Variants in TYW1B observed in about 807,000 individuals in gnomAD.
TYW1B encodes S-adenosyl-L-methionine-dependent tRNA 4-demethylwyosine synthase TYW1B.
A neutral mutation model predicts 86.9 loss-of-function variants in TYW1B; 73 were observed. The observed-to-expected ratio is 0.84, with a 90% CI of 0.70 to 1.02. TYW1B has a LOEUF of 1.02. Ranked by LOEUF, TYW1B falls within the 50% of genes least tolerant of loss-of-function variation. The probability of loss-of-function intolerance (pLI) is 0.00; values close to 1 mark genes in which losing one functional copy is unlikely to be tolerated. For synonymous variants in TYW1B, 248 were observed against 292.8 expected, an observed-to-expected ratio of 0.85 and a Z score of 1.56; for missense variants, 637 against 827.4, an observed-to-expected ratio of 0.77 and a Z score of 2.82.
chr7:72,732,174 T>G (rs1199894510), intron 8 of TYW1B, among the ~76,000 whole-genome samples: 1 of 152,162 alleles, frequency 6.6e-6, no homozygotes, highest in Non-Finnish European at 1.5e-5. Context: ...TAGACTCTAC[T>G]ACCATAATAG....
At chr7:72,580,796 A>C (rs1811134629) in intron 13 of TYW1B, among the ~76,000 whole-genome samples, 1 of 151,784 alleles carries the variant, frequency 6.6e-6, no homozygotes, top group Non-Finnish European at 1.5e-5. Flanking sequence ...GACAGTAAGA[A>C]CATTTAAAAA....
At chr7:72,704,011 T>TGA (rs1814554266) in intron 10 of TYW1B, among the ~76,000 whole-genome samples, 2 of 152,166 alleles carry the variant, frequency 1.3e-5, no homozygotes, top group African/African-American at 4.8e-5. Flanking sequence ...GAGAAATCAA[T>TGA]TAAAAATCTA....
intron 6 of TYW1B, among the ~76,000 whole-genome samples, chr7:72,781,312 G>A (rs534328197): frequency 2.6e-5 from 4 of 152,174 alleles, no homozygotes; most frequent in South Asian, 4.2e-4. Flanking sequence ...CTCAGGGCAT[G>A]AGCCAATCAG....
At chr7:72,779,509 G>A (rs1788013488) in intron 6 of TYW1B, among the ~76,000 whole-genome samples, 3 of 152,216 alleles carry the variant, frequency 2.0e-5, no homozygotes, top group Admixed American at 2.0e-4. Context: ...CTGAGGTCAG[G>A]AGTTTGAGAC....
intron 2 of TYW1B, among the ~76,000 whole-genome samples, chr7:72,826,079 T>A (rs1788924332): frequency 6.6e-6 from 1 of 152,172 alleles, no homozygotes; most frequent in South Asian, 2.1e-4. Flanking sequence ...AGGAAAAGCA[T>A]CATATAAACT....
At chr7:72,584,521 T>C (rs1211614482) in intron 13 of TYW1B, among the ~76,000 whole-genome samples, 1 of 151,642 alleles carries the variant, frequency 6.6e-6, no homozygotes, top group Non-Finnish European at 1.5e-5. Context: ...AGTGGCACAA[T>C]CTTGGCTCAC....
chr7:72,662,426 TATAGATAG>T lies in TYW1B; in HGVS notation c.1506+32253_1506+32260del, dbSNP rs10682366. Reference sequence around the variant, plus strand: ...TCCCTTCAGGTTTTTAATATATATATATAGATAGATAGATAGATAGATAGATAGATAGA... The same window carrying T: ...TCCCTTCAGGTTTTTAATATATATATATAGATAGATAGATAGATAGATAGA... On this transcript the variant is annotated intron_variant, in intron 11 of 13. Transcript: ENST00000620995. Among the ~76,000 whole-genome samples the T allele has an allele frequency of 4.5e-3, 529 of 118,718 alleles. 2 individuals are homozygous for T. Among genetic ancestry groups the T allele is most frequent in the South Asian group, 0.015 (56 of 3,738 alleles). The allele number at this position is 118,718 out of a possible 152,430, so 77.9% of individuals were successfully genotyped here.
rs554456909 is a variant in TYW1B, at chr7:72,670,509, T to C, written c.1506+24178A>G. 3.9e-5 allele frequency among the ~76,000 whole-genome samples: 6 copies of C among 152,302 alleles called. No individual in the cohort carries two copies. The East Asian group carries it at 1.2e-3, about 29-fold the overall frequency. The stretch of plus-strand genomic sequence containing the variant: ...TCTGGCCTCATGTGTTATCATTTAA[T>C]TCCAATTAGGAAGTACTCTTAACCC... On this transcript the variant is annotated intron_variant, in intron 11 of 13. Coordinates refer to ENST00000620995, the MANE Select transcript of TYW1B (RefSeq NM_001145440.3).
At chr7:72,792,278 G>T (rs57412352) in intron 6 of TYW1B, among the ~76,000 whole-genome samples, 1 of 150,416 alleles carries the variant, frequency 6.6e-6, no homozygotes, top group Non-Finnish European at 1.5e-5. Flanking sequence ...AGTGGGCCGA[G>T]ATCACACTAC....
chr7:72,675,594 TAC>T (rs1290216567), intron 11 of TYW1B, among the ~76,000 whole-genome samples: 18 of 149,742 alleles, frequency 1.2e-4, no homozygotes, highest in East Asian at 7.8e-4. Flanking sequence ...TATATATATA[TAC>T]ACACACACAC....
chr7:72,722,249 T>G (rs183892261), intron 9 of TYW1B, among the ~76,000 whole-genome samples: 13,883 of 152,160 alleles, frequency 0.091, 794 homozygotes, highest in African/African-American at 0.15. Flanking sequence ...GATCTTTTAT[T>G]TCTTGCAGTA....
chr7:72,774,323 A>G (rs1352753953), intron 7 of TYW1B, among the ~76,000 whole-genome samples: 3 of 95,888 alleles, frequency 3.1e-5, no homozygotes, highest in Non-Finnish European at 4.2e-5. Flanking sequence ...CTAAGAAGCC[A>G]TAAAAGTGAG....
chr7:72,685,057 C>T (rs1469475484), intron 11 of TYW1B, among the ~76,000 whole-genome samples: 7 of 149,868 alleles, frequency 4.7e-5, no homozygotes, highest in Non-Finnish European at 8.9e-5. Flanking sequence ...GGTTGCAGTG[C>T]GCCAAGATCA....
chr7:72,624,145 T>C (rs1554438407), intron 12 of TYW1B, among the ~76,000 whole-genome samples: 1 of 152,190 alleles, frequency 6.6e-6, no homozygotes, highest in Non-Finnish European at 1.5e-5. Context: ...TTAACTTTAA[T>C]TAATAAGACA....
intron 7 of TYW1B, among the ~76,000 whole-genome samples, chr7:72,767,937 G>C (rs1413092150): frequency 1.3e-5 from 2 of 152,036 alleles, no homozygotes; most frequent in East Asian, 3.9e-4. Flanking sequence ...CGAATCACAG[G>C]CCCAAACATA....
intron 11 of TYW1B, among the ~76,000 whole-genome samples, chr7:72,658,178 G>A (rs1314943412): frequency 4.6e-5 from 7 of 152,198 alleles, no homozygotes; most frequent in South Asian, 2.1e-4. Context: ...GTGAACCCAC[G>A]AGGTGGAACT....
chr7:72,678,698 C>G (rs1431560096), intron 11 of TYW1B, among the ~76,000 whole-genome samples: 1 of 148,388 alleles, frequency 6.7e-6, no homozygotes, highest in Non-Finnish European at 1.5e-5. Flanking sequence ...CGCATCATCA[C>G]GCCCAGCTAA....
Position 72,748,050 on chromosome 7 carries a change from C to G in TYW1B, c.965-3449G>C, listed in dbSNP as rs183186826. On this transcript the variant is annotated intron_variant, in intron 7 of 13. Coordinates refer to ENST00000620995, the MANE Select transcript of TYW1B (RefSeq NM_001145440.3). ...CTTTGGGAGGCCAAGGCGGGTGGAT[C>G]ACAAGGTCAGGAGATCGAGACCGTC... 4.3e-3 allele frequency among the ~76,000 whole-genome samples: 654 copies of G among 152,262 alleles called. 1 individual carries two copies. Among genetic ancestry groups the G allele is most frequent in the Non-Finnish European group, 7.5e-3 (507 of 68,012 alleles).
In TYW1B at chr7:72,664,813, G is replaced by C. The variant is rs78887219; in HGVS notation, c.1506+29874C>G. Among the ~76,000 whole-genome samples the C allele has an allele frequency of 4.6e-3, 695 of 152,144 alleles. 6 individuals carry two copies. The highest frequency in any genetic ancestry group is 0.015 in the African/African-American group (603 of 41,506). ...TGGTCACAGCAATATATGATCTATG[G>C]GGGATTGGTTCCAGGAACCTCATGG... is the stretch of plus-strand genomic sequence containing the variant. On this transcript the variant is annotated intron_variant, in intron 11 of 13. Coordinates refer to ENST00000620995, the MANE Select transcript of TYW1B (RefSeq NM_001145440.3).
Sources: allele counts gnomAD v4.1 joint callset (sites outside exome capture counted in the v4.1 genomes callset), GRCh38; gene constraint gnomAD v4.1.1; transcripts MANE v1.5; gene names NCBI Gene and HGNC (gene_info 2026-07-23, HGNC 2026-07-21).